Variants in PDE10A observed in about 807,000 individuals in gnomAD.
PDE10A encodes phosphodiesterase 10A, also known as cAMP and cAMP-inhibited cGMP 3',5'-cyclic phosphodiesterase 10A.
PDE10A carries 39 observed loss-of-function variants against 97.7 expected under a neutral mutation model. That is an observed-to-expected ratio of 0.40 (90% CI 0.31 to 0.52). The LOEUF is 0.52. PDE10A is among the 20% of genes least tolerant of loss of function. PDE10A has a pLI of 0.56. For synonymous variants in PDE10A, 371 were observed against 376.8 expected (o/e 0.98, Z 0.18); for missense variants, 731 against 1,047.8 (o/e 0.70, Z 4.17).
rs890715547 is a variant in PDE10A at position 165,795,451 on chromosome 6, C to T, written c.-615+192078G>A. 8.5e-5 allele frequency among the ~76,000 whole-genome samples: 13 copies of T among 152,050 alleles called. No homozygotes were observed. The East Asian group carries it at 2.1e-3, about 25-fold the overall frequency. ...GCATAAAAATGGGTCAAGGGCTGGGCGCGGTGGCTCATACCTGTAGTCCCA... is the reference window on the plus strand; with the variant it reads ...GCATAAAAATGGGTCAAGGGCTGGGTGCGGTGGCTCATACCTGTAGTCCCA... On this transcript the variant is annotated intron_variant, in intron 1 of 19. Coordinates refer to the PDE10A transcript ENST00000366882.
At chr6:165,575,630 C>G (rs1392132276) in intron 1 of PDE10A, among the ~76,000 whole-genome samples, 1 of 152,176 alleles carries the variant, frequency 6.6e-6, no homozygotes, top group African/African-American at 2.4e-5. Context: ...TCAACAACAA[C>G]AAAACATCCT....
rs141112097 is a variant in PDE10A, at chr6:165,708,319, T to C, written c.-614-164751A>G. ...TGGCCGTCACACCGGGCCTCCCCCA[T>C]CCCTCTCAGCCTCACTGTGCCCTGT... On this transcript the variant is annotated intron_variant, in intron 1 of 19. Coordinates refer to the PDE10A transcript ENST00000366882. Among the ~76,000 whole-genome samples, 1,425 of 152,076 alleles carry C rather than the reference T, an allele frequency of 9.4e-3. 11 individuals are homozygous for C. The highest frequency in any genetic ancestry group is 0.014 in the Non-Finnish European group (926 of 67,984).
intron 13 of PDE10A, among the ~76,000 whole-genome samples, chr6:165,399,760 AT>A: frequency 6.6e-6 from 1 of 152,214 alleles, no homozygotes; most frequent in Non-Finnish European, 1.5e-5. Flanking sequence ...TGAACTCATC[AT>A]TTTTTATGGC....
intron 1 of PDE10A, among the ~76,000 whole-genome samples, chr6:165,804,630 A>C (rs1779067591): frequency 6.6e-6 from 1 of 152,124 alleles, no homozygotes; most frequent in African/African-American, 2.4e-5. Flanking sequence ...GGGGCCCTGG[A>C]AACCCGGGGG....
Position 165,343,471 on chromosome 6 carries a change from A to T in PDE10A, c.2815T>A (p.Cys939Ser). ...AGTTTTGTCACAGAACAAAGGTCAC[A>T]GGCAGTCATCATCAAACCAATTACA... ...DRVIGLMMTA[C>S]DLCSVTKLWP... The change falls in exon 19 of 22, where the codon TGT (cysteine) becomes AGT (serine). Residue 939 changes from cysteine to serine, a missense_variant. By Grantham distance (112) the Cys-to-Ser change is moderately radical (BLOSUM62 -1). Around this residue, in one of 8 missense-constraint regions of PDE10A, gnomAD observed 96 missense variants for 156.7 expected, o/e 0.61. Coordinates refer to ENST00000539869, the MANE Select transcript of PDE10A (RefSeq NM_001385079.1). The T allele has an allele frequency of 6.2e-7, 1 of 1,614,008 alleles. No homozygotes were observed. The highest frequency in any genetic ancestry group is 1.1e-5 in the South Asian group (1 of 91,078).
At chr6:165,722,481 A>G (rs1035968376) in intron 1 of PDE10A, among the ~76,000 whole-genome samples, 5 of 152,224 alleles carry the variant, frequency 3.3e-5, no homozygotes, top group African/African-American at 1.2e-4. Context: ...CTTCTTATAC[A>G]TATCTGTCTA....
chr6:165,603,365 CAT>C (rs531898406), intron 1 of PDE10A, among the ~76,000 whole-genome samples: 69 of 152,314 alleles, frequency 4.5e-4, no homozygotes, highest in South Asian at 6.2e-4. Flanking sequence ...CTGTAACACA[CAT>C]GTTAGTAAGC....
At position 165,655,340 on chromosome 6, in the gene PDE10A, A is replaced by C. The variant is rs1265785964; in HGVS notation, c.865+6607T>G. 6.6e-6 allele frequency among the ~76,000 whole-genome samples: 1 copy of C among 152,068 alleles called. No homozygotes were observed. Among genetic ancestry groups the C allele is most frequent in the Non-Finnish European group, 1.5e-5 (1 of 68,008 alleles). On this transcript the variant is annotated intron_variant, in intron 1 of 21. Coordinates refer to ENST00000539869, the MANE Select transcript of PDE10A (RefSeq NM_001385079.1). The surrounding 1 kb of genome is among the most constrained non-coding windows in gnomAD (Gnocchi z 4.5). ...TCCTAGCATATGCATCTCAGGCTGAACACCACCAAACGCCACGCCTGATTC... is the reference window on the plus strand; with the variant it reads ...TCCTAGCATATGCATCTCAGGCTGACCACCACCAAACGCCACGCCTGATTC...
chr6:165,825,516 T>G (rs1019651998), intron 1 of PDE10A, among the ~76,000 whole-genome samples: 1 of 152,178 alleles, frequency 6.6e-6, no homozygotes, highest in Non-Finnish European at 1.5e-5. Flanking sequence ...TAATGCTGAG[T>G]GTCCTCCAGC....
chr6:165,734,992 A>AGTAG (rs751800086), intron 1 of PDE10A, among the ~76,000 whole-genome samples: 8 of 143,534 alleles, frequency 5.6e-5, no homozygotes, highest in African/African-American at 1.4e-4. Flanking sequence ...ATAGATAGAT[A>AGTAG]GTAGGTAGGT....
chr6:165,567,742 G>A (rs1282057984), intron 1 of PDE10A, among the ~76,000 whole-genome samples: 4 of 152,052 alleles, frequency 2.6e-5, no homozygotes, highest in East Asian at 1.9e-4. Flanking sequence ...AATGGGGTTC[G>A]AAGATATAAA....
chr6:165,410,121 C>T (rs1210566618), intron 13 of PDE10A, among the ~76,000 whole-genome samples: 3 of 151,704 alleles, frequency 2.0e-5, no homozygotes, highest in African/African-American at 7.3e-5. Flanking sequence ...TGACTTTTTC[C>T]CACATCCCAT....
chr6:165,694,079 G>C (rs572172795), intron 1 of PDE10A, among the ~76,000 whole-genome samples: 83 of 152,272 alleles, frequency 5.5e-4, no homozygotes, highest in African/African-American at 1.9e-3. Context: ...AAAAATGTTA[G>C]CTAATATATA....
At chr6:165,915,394 C>T (rs773009598) in intron 1 of PDE10A, among the ~76,000 whole-genome samples, 2 of 152,196 alleles carry the variant, frequency 1.3e-5, no homozygotes, top group Non-Finnish European at 2.9e-5. Flanking sequence ...ACGTACTGCA[C>T]ACGAATGCTA....
intron 1 of PDE10A, among the ~76,000 whole-genome samples, chr6:165,643,127 C>T (rs1198694950): frequency 6.6e-6 from 1 of 152,050 alleles, no homozygotes; most frequent in Non-Finnish European, 1.5e-5. Context: ...GTAACAATTT[C>T]TCATTTCTGA....
At chr6:165,911,154 T>C (rs1782443042) in intron 1 of PDE10A, among the ~76,000 whole-genome samples, 3 of 152,194 alleles carry the variant, frequency 2.0e-5, no homozygotes, top group Admixed American at 1.3e-4. Flanking sequence ...ATTACTTTTG[T>C]ACCAACCTAA....
At chr6:165,618,672 G>T (rs1787836700) in intron 1 of PDE10A, among the ~76,000 whole-genome samples, 1 of 152,172 alleles carries the variant, frequency 6.6e-6, no homozygotes, top group Admixed American at 6.5e-5. Context: ...GACATGCAAT[G>T]AAGTCAGCTC....
intron 1 of PDE10A, among the ~76,000 whole-genome samples, chr6:165,619,371 G>GGTGTAGTCTAGTGTA (rs1787939746): frequency 1.3e-4 from 1 of 7,654 alleles, no homozygotes; most frequent in Admixed American, 1.4e-3. Flanking sequence ...AGTGTAGTGT[G>GGTGTAGTCTAGTGTA]GTGTAGTGTA....
chr6:165,330,361 A>C lies in PDE10A; in HGVS notation c.*2664T>G, dbSNP rs1415906714. 2 of 152,184 alleles carry C rather than the reference A, an allele frequency of 1.3e-5. No homozygotes were observed. Among genetic ancestry groups the C allele is most frequent in the Non-Finnish European group, 2.9e-5 (2 of 68,016 alleles). 9.4% of individuals were successfully genotyped at this position (152,184 alleles called of 1,614,324 possible). A position where few individuals can be genotyped will look rare whatever the true frequency, so the allele number is the denominator to read the frequency against. ...GGAACAAGACAAGAAACATGACCCG[A>C]AAGTCTGTCTCCTAAACATCTGACA... On this transcript the variant is annotated 3_prime_UTR_variant, in exon 22 of 22. Coordinates refer to ENST00000539869, the MANE Select transcript of PDE10A (RefSeq NM_001385079.1).
Sources: allele counts gnomAD v4.1 joint callset (sites outside exome capture counted in the v4.1 genomes callset), GRCh38; gene constraint gnomAD v4.1.1; regional missense constraint gnomAD v4.1.1; non-coding constraint Gnocchi (gnomAD v3.1); transcripts MANE v1.5; gene names NCBI Gene and HGNC (gene_info 2026-07-23, HGNC 2026-07-21).